DGKB: variants seen among roughly 807,000 people sequenced by gnomAD.
The protein encoded by DGKB is diacylglycerol kinase beta.
In DGKB, 67 loss-of-function variants were observed where a neutral mutation model predicts 114.3. The observed-to-expected ratio is 0.59, with a 90% confidence interval of 0.48 to 0.72. The LOEUF is 0.72. Among genes scored for constraint, DGKB ranks in the 30% least tolerant of loss-of-function variants. The pLI, the probability that DGKB is intolerant of heterozygous loss-of-function variation, is 0.00. For missense variants in DGKB, 907 were observed against 975.2 expected (o/e 0.93, Z 0.93); for synonymous variants, 398 against 323.1 (o/e 1.23, Z -2.49).
chr7:14,534,095 C>T (rs1463722348), intron 20 of DGKB, among the ~76,000 whole-genome samples: 1 of 151,872 alleles, frequency 6.6e-6, no homozygotes, highest in Non-Finnish European at 1.5e-5. Flanking sequence ...TTATAACTAT[C>T]ACCACAAATT....
At chr7:14,640,981 C>A (rs891808053) in intron 13 of DGKB, among the ~76,000 whole-genome samples, 2 of 152,064 alleles carry the variant, frequency 1.3e-5, no homozygotes, top group African/African-American at 4.8e-5. Flanking sequence ...GCTATTAGCT[C>A]TAGATATATG....
At chr7:14,262,717 G>C (rs892940548) in intron 23 of DGKB, among the ~76,000 whole-genome samples, 1 of 152,068 alleles carries the variant, frequency 6.6e-6, no homozygotes, top group Non-Finnish European at 1.5e-5. Flanking sequence ...AGAGGATGAA[G>C]GGGCAAGATA....
At position 14,820,142 on chromosome 7, in the gene DGKB, C is replaced by T. The variant is rs114893642; in HGVS notation, c.70+21052G>A. ...GAATTACCTAGTAACATTCAATCAT[C>T]TAATGATGCTTTATGGCTTTAAGCC... is the stretch of plus-strand genomic sequence containing the variant. On this transcript the variant is annotated intron_variant, in intron 2 of 25. Transcript: ENST00000402815. Among the ~76,000 whole-genome samples the T allele has an allele frequency of 6.5e-3, 992 of 152,214 alleles. 17 individuals carry two copies. The highest frequency in any genetic ancestry group is 0.023 in the African/African-American group (952 of 41,544).
At chr7:14,377,355 G>A (rs1015132066) in intron 21 of DGKB, among the ~76,000 whole-genome samples, 2 of 152,048 alleles carry the variant, frequency 1.3e-5, no homozygotes, top group African/African-American at 4.8e-5. Context: ...AATGTACTAA[G>A]CTCTTAAGAG....
At chr7:14,448,434 G>A (rs534077315) in intron 21 of DGKB, among the ~76,000 whole-genome samples, 28 of 152,118 alleles carry the variant, frequency 1.8e-4, no homozygotes, top group African/African-American at 6.7e-4. Context: ...AACATGCACT[G>A]AACACTGATT....
chr7:14,555,400 C>G (rs1453296210), intron 20 of DGKB, among the ~76,000 whole-genome samples: 1 of 152,118 alleles, frequency 6.6e-6, no homozygotes, highest in East Asian at 1.9e-4. Context: ...GACATTATTT[C>G]AGAATATTTT....
intron 21 of DGKB, among the ~76,000 whole-genome samples, chr7:14,393,539 C>CT (rs1821760502): frequency 6.6e-6 from 1 of 152,130 alleles, no homozygotes; most frequent in Non-Finnish European, 1.5e-5. Flanking sequence ...GCATCTTGGA[C>CT]TGCAAAGTAT....
intron 23 of DGKB, among the ~76,000 whole-genome samples, chr7:14,194,129 A>T (rs1235231500): frequency 6.6e-6 from 1 of 152,182 alleles, no homozygotes; most frequent in Non-Finnish European, 1.5e-5. Flanking sequence ...CATTATGGAA[A>T]ACAGTATGGA....
Position 14,694,205 on chromosome 7 carries a change from G to A in DGKB, c.592-11C>T. 6.4e-7 allele frequency: 1 copy of A among 1,554,228 alleles called. No individual in the cohort carries two copies. The highest frequency in any genetic ancestry group is 8.7e-7 in the Non-Finnish European group (1 of 1,148,770). On this transcript the variant is annotated splice_polypyrimidine_tract_variant and intron_variant, in intron 8 of 25. Coordinates refer to ENST00000402815, the MANE Select transcript of DGKB (RefSeq NM_001350709.2). ...CATTTCATGGAGGATCTGGAGTAGA[G>A]GAGATAAGGGAAAATTGGTGGTCAA...
At chr7:14,349,454 C>T (rs1813070211) in intron 21 of DGKB, among the ~76,000 whole-genome samples, 1 of 152,076 alleles carries the variant, frequency 6.6e-6, no homozygotes, top group Non-Finnish European at 1.5e-5. Context: ...CATCAAAGTT[C>T]CTCACAGCGT....
intron 2 of DGKB, among the ~76,000 whole-genome samples, chr7:14,821,908 G>T (rs1844994158): frequency 6.6e-6 from 1 of 152,120 alleles, no homozygotes; most frequent in Non-Finnish European, 1.5e-5. Context: ...GAGAAATGGT[G>T]AAATTATTTT....
chr7:14,655,443 T>G (rs1438763362), intron 13 of DGKB, among the ~76,000 whole-genome samples: 1 of 151,796 alleles, frequency 6.6e-6, no homozygotes. Context: ...GAAGGAATTA[T>G]AGTTAGTACA....
At position 14,484,487 on chromosome 7, in the gene DGKB, A is replaced by T. The variant is rs183496934; in HGVS notation, c.1771-6262T>A. On this transcript the variant is annotated intron_variant, in intron 20 of 25. Transcript: ENST00000402815. The stretch of plus-strand genomic sequence containing the variant: ...GAGTTCTCATGAGATCTGGCTTCCT[A>T]AAGTGTGTGGCATCTCCCCCCACCT... 2.8e-3 allele frequency among the ~76,000 whole-genome samples: 425 copies of T among 152,212 alleles called. 1 individual carries two copies. The highest frequency in any genetic ancestry group is 6.8e-3 in the Middle Eastern group (2 of 294).
intron 21 of DGKB, among the ~76,000 whole-genome samples, chr7:14,371,809 A>T (rs1371814373): frequency 1.3e-5 from 2 of 152,080 alleles, no homozygotes; most frequent in African/African-American, 4.8e-5. Flanking sequence ...TTACATTGAC[A>T]TTACTTAGCA....
At chr7:14,615,171 T>C (rs1193273017) in intron 15 of DGKB, among the ~76,000 whole-genome samples, 1 of 152,026 alleles carries the variant, frequency 6.6e-6, no homozygotes, top group African/African-American at 2.4e-5. Flanking sequence ...TTTCTACTGG[T>C]TTTTAAGTAG....
chr7:14,973,473 T>A (rs976732114), intron 1 of DGKB, among the ~76,000 whole-genome samples: 2 of 151,500 alleles, frequency 1.3e-5, no homozygotes, highest in Non-Finnish European at 3.0e-5. Flanking sequence ...ACTATTTCTT[T>A]TTGTTGTTGT....
intron 23 of DGKB, among the ~76,000 whole-genome samples, chr7:14,235,520 T>C (rs1473743064): frequency 6.6e-6 from 1 of 152,062 alleles, no homozygotes; most frequent in Non-Finnish European, 1.5e-5. Flanking sequence ...ATCTGTGAAG[T>C]AGAATGCCAG....
chr7:14,767,918 T>C (rs1351112048), intron 2 of DGKB, among the ~76,000 whole-genome samples: 1 of 151,970 alleles, frequency 6.6e-6, no homozygotes, highest in East Asian at 1.9e-4. Context: ...GCAACAATTC[T>C]GTATTCTCTA....
chr7:14,880,791 A>G (rs985098826), intron 1 of DGKB, among the ~76,000 whole-genome samples: 1 of 152,224 alleles, frequency 6.6e-6, no homozygotes, highest in African/African-American at 2.4e-5. Context: ...AATCACCATT[A>G]AAACTTAGTG....
Sources: gnomAD v4.1 joint callset for allele counts (sites outside exome capture counted in the v4.1 genomes callset) on GRCh38, gnomAD v4.1.1 for gene constraint, MANE v1.5 for transcripts, NCBI Gene and HGNC (gene_info 2026-07-23, HGNC 2026-07-21) for gene names.